Variants in FERMT2 observed in about 807,000 individuals in gnomAD.
FERMT2 encodes FERM domain containing kindlin 2.
Under a neutral mutation model 82.7 loss-of-function variants are expected in FERMT2, and 15 were observed. The ratio of observed to expected loss-of-function variants is 0.18; its 90% CI spans 0.12 to 0.28. The LOEUF (loss-of-function observed/expected upper bound fraction) is 0.28. Ranked by LOEUF, FERMT2 falls within the 10% of genes least tolerant of loss-of-function variation. FERMT2 has a pLI of 1.00. For synonymous variants in FERMT2, 274 were observed against 271.5 expected (o/e 1.01, Z -0.09); for missense variants, 645 against 809.4 (o/e 0.80, Z 2.46).
intron 2 of FERMT2, chr14:52,928,209 T>C: frequency 4.3e-6 from 1 of 232,922 alleles, no homozygotes; most frequent in Non-Finnish European, 9.4e-6. Context: ...AAGCAAAGTT[T>C]ACATTAGATA....
chr14:52,950,645 T>A, intron 1 of FERMT2, 68 bp from the exon 2 acceptor site: 1 of 1,516,708 alleles, frequency 6.6e-7, no homozygotes, highest in Non-Finnish European at 9.0e-7. Context: ...CCCACCGAAT[T>A]CGCAGCGCCG....
At chr14:52,890,666 C>G (rs1886889107) in intron 4 of FERMT2, among the ~76,000 whole-genome samples, 1 of 148,864 alleles carries the variant, frequency 6.7e-6, no homozygotes, top group African/African-American at 2.5e-5. Flanking sequence ...TGCAGTGGCA[C>G]AATCTCGGCT....
intron 2 of FERMT2, among the ~76,000 whole-genome samples, chr14:52,924,956 C>T (rs889816549): frequency 2.0e-5 from 3 of 152,124 alleles, no homozygotes; most frequent in African/African-American, 7.2e-5. Flanking sequence ...CACTTCAAAA[C>T]TTCCTAAAGA....
At chr14:52,927,313 A>G (rs796851355) in intron 2 of FERMT2, among the ~76,000 whole-genome samples, 1 of 152,216 alleles carries the variant, frequency 6.6e-6, no homozygotes, top group East Asian at 1.9e-4. Flanking sequence ...GCTTTTTGCT[A>G]GAGAAAATAT....
chr14:52,924,270 C>G (rs1222757368), intron 2 of FERMT2, among the ~76,000 whole-genome samples: 1 of 152,132 alleles, frequency 6.6e-6, no homozygotes, highest in African/African-American at 2.4e-5. Context: ...GGTCACAGTG[C>G]ATGGTTTAGG....
In FERMT2 at chr14:52,950,953, G is replaced by C. The variant is rs1354088260; in HGVS notation, c.-42C>G. The C allele has an allele frequency of 6.2e-6, 1 of 160,602 alleles. No homozygotes were observed. The highest frequency in any genetic ancestry group is 2.4e-5 in the African/African-American group (1 of 41,746). The allele number at this position is 160,602 out of a possible 1,614,324, so 9.9% of individuals were successfully genotyped here. ...TCCTAGCGCTCCGGGCCCGGGACTC[G>C]CGCGGCAACAGGCGAGGGGCTGGAG... On this transcript the variant is annotated 5_prime_UTR_variant, in exon 1 of 15. Transcript: ENST00000341590.
rs556624464 is a variant in FERMT2, at chr14:52,876,086, C to G, written c.964-729G>C. ...TAAGCCTTAGGTTTTCTACAAAGGT[C>G]AGCAGAACCTTTAAATCTTAATCAA... On this transcript the variant is annotated intron_variant, in intron 7 of 14. Transcript: ENST00000341590. Among the ~76,000 whole-genome samples the G allele has an allele frequency of 1.1e-4, 16 of 152,318 alleles. 1 individual carries two copies. The East Asian group carries it at 3.1e-3, about 29-fold the overall frequency.
intron 4 of FERMT2, among the ~76,000 whole-genome samples, chr14:52,887,408 G>A (rs1435101249): frequency 6.6e-6 from 1 of 152,066 alleles, no homozygotes; most frequent in Non-Finnish European, 1.5e-5. Flanking sequence ...AACTACTTGG[G>A]AGGCGGAGGG....
intron 2 of FERMT2, among the ~76,000 whole-genome samples, chr14:52,922,444 T>A (rs1036064386): frequency 6.6e-6 from 1 of 150,776 alleles, no homozygotes; most frequent in African/African-American, 2.4e-5. Context: ...GGGGCCTCCA[T>A]AGCACCTGTT....
At position 52,950,506 on chromosome 14, in the gene FERMT2, A is replaced by G; in HGVS notation, c.63T>C (p.Ser21=). 1 of 1,614,036 alleles carries G rather than the reference A, an allele frequency of 6.2e-7. No homozygotes were observed. Among genetic ancestry groups the G allele is most frequent in the South Asian group, 1.1e-5 (1 of 91,070 alleles). The change falls in exon 2 of 15, where the codon AGT becomes AGC. Residue 21 remains serine (S), a synonymous_variant. Transcript: ENST00000341590. ...GCYADGTWEL[S]VHVTDLNRDV... is the part of the protein sequence containing the mutation. Reference sequence around the variant, plus strand: ...CGCGGTTCAGGTCCGTCACATGGACACTCAGTTCCCACGTCCCGTCCGCGT... The same window carrying G: ...CGCGGTTCAGGTCCGTCACATGGACGCTCAGTTCCCACGTCCCGTCCGCGT...
At chr14:52,881,551 A>T in intron 4 of FERMT2, 82 bp from the exon 5 acceptor site, 1 of 1,096,618 alleles carries the variant, frequency 9.1e-7, no homozygotes, top group Non-Finnish European at 1.3e-6. Flanking sequence ...TATGATATAA[A>T]GCACATTGTG....
intron 14 of FERMT2, 194 bp downstream of exon 14, chr14:52,859,379 C>T (rs962248019): frequency 6.0e-6 from 3 of 502,568 alleles, no homozygotes; most frequent in Admixed American, 4.0e-5. Flanking sequence ...AAATTATGCA[C>T]TTAGAATTTT....
intron 4 of FERMT2, among the ~76,000 whole-genome samples, chr14:52,883,615 T>C (rs1025887432): frequency 2.0e-5 from 3 of 152,192 alleles, no homozygotes; most frequent in Non-Finnish European, 4.4e-5. Flanking sequence ...TTTATAAAGT[T>C]TCTAATATAG....
intron 2 of FERMT2, among the ~76,000 whole-genome samples, chr14:52,939,352 G>A (rs1353341754): frequency 1.5e-5 from 2 of 137,264 alleles, no homozygotes; most frequent in South Asian, 2.4e-4. Flanking sequence ...CAGCCTGGGC[G>A]ACAGAGTGAG....
At chr14:52,867,748 C>G (rs1201361929) in intron 10 of FERMT2, among the ~76,000 whole-genome samples, 2 of 152,128 alleles carry the variant, frequency 1.3e-5, no homozygotes, top group Non-Finnish European at 2.9e-5. Flanking sequence ...TCTTTCCCCC[C>G]AAACCCAGCT....
intron 2 of FERMT2, among the ~76,000 whole-genome samples, chr14:52,943,719 T>C (rs1287231822): frequency 6.6e-6 from 1 of 152,216 alleles, no homozygotes; most frequent in Admixed American, 6.5e-5. Context: ...TATGTTTGTG[T>C]GTATAGAAAA....
chr14:52,930,508 G>C (rs1356216529), intron 2 of FERMT2, among the ~76,000 whole-genome samples: 2 of 152,200 alleles, frequency 1.3e-5, no homozygotes, highest in African/African-American at 4.8e-5. Context: ...GGCACCTGCA[G>C]AGAGTGAGTT....
chr14:52,863,660 CTA>C (rs1322320019), intron 12 of FERMT2: 2 of 152,088 alleles, frequency 1.3e-5, no homozygotes, highest in Non-Finnish European at 2.9e-5. Context: ...AACTGTGTAA[CTA>C]TGTGTAAAAT....
intron 4 of FERMT2, among the ~76,000 whole-genome samples, chr14:52,886,490 C>G (rs1378561126): frequency 6.6e-6 from 1 of 152,108 alleles, no homozygotes; most frequent in African/African-American, 2.4e-5. Flanking sequence ...ACCACAACGC[C>G]CAGCTCTGGG....
Sources: gnomAD v4.1 joint callset for allele counts (sites outside exome capture counted in the v4.1 genomes callset) on GRCh38, gnomAD v4.1.1 for gene constraint, MANE v1.5 for transcripts, NCBI Gene and HGNC (gene_info 2026-07-23, HGNC 2026-07-21) for gene names.